KAZN: variants seen among roughly 807,000 people sequenced by gnomAD.
KAZN encodes kazrin.
KAZN carries 40 observed loss-of-function variants against 87.4 expected under a neutral mutation model. The observed-to-expected ratio is 0.46, with a 90% CI of 0.36 to 0.60. The LOEUF (loss-of-function observed/expected upper bound fraction) is 0.60. KAZN is among the 20% of genes least tolerant of loss of function. KAZN has a pLI of 0.00. For synonymous variants in KAZN, 466 were observed against 458.3 expected (o/e 1.02, Z -0.22); for missense variants, 898 against 1,073.9 (o/e 0.84, Z 2.29).
At chr1:14,890,834 T>C (rs1270081794) in intron 1 of KAZN, among the ~76,000 whole-genome samples, 1 of 115,772 alleles carries the variant, frequency 8.6e-6, no homozygotes, top group Non-Finnish European at 1.8e-5. Context: ...CAGCCAGGAA[T>C]CTGGACTTTT....
rs1639254895 is a variant in KAZN at position 15,066,761 on chromosome 1, C to G, written c.1222+1008C>G. On this transcript the variant is annotated intron_variant, in intron 8 of 14. Coordinates refer to ENST00000376030, the MANE Select transcript of KAZN (RefSeq NM_201628.3). The surrounding 1 kb of genome is among the most constrained non-coding windows in gnomAD (Gnocchi z 4.3). Reference sequence around the variant, plus strand: ...CAAAGTAGTTTAGGGTGGCCAGAACCCAGGGACCATTGGATTTCAAAGCTT... The same window carrying G: ...CAAAGTAGTTTAGGGTGGCCAGAACGCAGGGACCATTGGATTTCAAAGCTT... 7.1e-6 allele frequency: 7 copies of G among 985,192 alleles called. No homozygotes were observed. The highest frequency in any genetic ancestry group is 8.4e-6 in the Non-Finnish European group (7 of 829,946). The allele number at this position is 985,192 out of a possible 1,614,324, so 61.0% of individuals were successfully genotyped here.
chr1:15,043,240 C>A (rs1442692515), intron 3 of KAZN, among the ~76,000 whole-genome samples: 3 of 152,236 alleles, frequency 2.0e-5, no homozygotes, highest in Non-Finnish European at 4.4e-5. Flanking sequence ...TGCCTCCTTA[C>A]TGTTGACCCT....
intron 2 of KAZN, among the ~76,000 whole-genome samples, chr1:14,316,390 G>T (rs972328305): frequency 2.0e-5 from 3 of 151,926 alleles, no homozygotes; most frequent in Admixed American, 1.3e-4. Flanking sequence ...TTTAATATCT[G>T]CAGGGTCTCT....
chr1:14,728,289 T>TAAAA (rs55745144), intron 1 of KAZN, among the ~76,000 whole-genome samples: 62 of 29,582 alleles, frequency 2.1e-3, no homozygotes, highest in East Asian at 4.3e-3. Context: ...ACCGTATATA[T>TAAAA]AAAAAAAAAA....
At chr1:13,897,953 T>C (rs576452757) in intron 1 of KAZN, among the ~76,000 whole-genome samples, 1 of 152,294 alleles carries the variant, frequency 6.6e-6, no homozygotes, top group East Asian at 1.9e-4. Flanking sequence ...ACTTTGCCCC[T>C]GCTATAGCCC....
chr1:14,988,305 C>T (rs1359555267), intron 2 of KAZN, among the ~76,000 whole-genome samples: 1 of 152,238 alleles, frequency 6.6e-6, no homozygotes, highest in East Asian at 1.9e-4. Flanking sequence ...TCACAGAACG[C>T]GCCCCTCCCC....
chr1:14,966,929 A>G (rs893149826), intron 2 of KAZN, among the ~76,000 whole-genome samples: 1 of 152,142 alleles, frequency 6.6e-6, no homozygotes, highest in Non-Finnish European at 1.5e-5. Flanking sequence ...TCAGCCTCCC[A>G]AAGTGCTGGG....
intron 2 of KAZN, among the ~76,000 whole-genome samples, chr1:14,567,858 A>G (rs1008098868): frequency 2.0e-5 from 3 of 152,020 alleles, no homozygotes; most frequent in South Asian, 2.1e-4. Context: ...TTACTCCCCC[A>G]TTTTACTTAA....
intron 1 of KAZN, among the ~76,000 whole-genome samples, chr1:14,756,676 C>G (rs1423379390): frequency 2.6e-5 from 4 of 152,182 alleles, no homozygotes; most frequent in Non-Finnish European, 5.9e-5. Context: ...GAAATGAAAC[C>G]AGAGCAGCCT....
Position 15,094,911 on chromosome 1 carries a change from C to G in KAZN, c.1525C>G (p.Arg509Gly), listed in dbSNP as rs775095806. The change falls in exon 10 of 15, where the codon CGT (arginine) becomes GGT (glycine). Residue 509 changes from arginine to glycine, a missense_variant. Physicochemically the swap from Arg to Gly is moderately radical, Grantham distance 125 (BLOSUM62 -2). Around this residue, in one of 3 missense-constraint regions of KAZN, gnomAD observed 521 missense variants for 689.4 expected, o/e 0.76. Coordinates refer to ENST00000376030, the MANE Select transcript of KAZN (RefSeq NM_201628.3). The surrounding 1 kb of genome is among the most constrained non-coding windows in gnomAD (Gnocchi z 4.5). ...RKLRLAIEDY[R>G]DAEAGRSLSK... ...GCTGCGCCTGGCCATCGAGGACTAC[C>G]GTGATGCCGAGGCAGGCCGCAGGTG... is the stretch of plus-strand genomic sequence containing the variant. 6.5e-7 allele frequency: 1 copy of G among 1,550,196 alleles called. No individual in the cohort carries two copies. The highest frequency in any genetic ancestry group is 8.7e-7 in the Non-Finnish European group (1 of 1,146,470).
intron 1 of KAZN, among the ~76,000 whole-genome samples, chr1:14,701,108 A>T (rs577889575): frequency 1.2e-4 from 19 of 152,312 alleles, no homozygotes; most frequent in African/African-American, 4.6e-4. Flanking sequence ...AATGTAAAAC[A>T]TATGACATTA....
At chr1:13,928,858 T>C (rs77526000) in intron 1 of KAZN, among the ~76,000 whole-genome samples, 36 of 149,414 alleles carry the variant, frequency 2.4e-4, no homozygotes, top group South Asian at 4.3e-4. Flanking sequence ...TTTTTTTTTT[T>C]CCCTGATCTC....
At chr1:14,210,554 G>A (rs986925540) in intron 2 of KAZN, among the ~76,000 whole-genome samples, 11 of 152,146 alleles carry the variant, frequency 7.2e-5, no homozygotes, top group Admixed American at 3.9e-4. Context: ...ACATGCATAT[G>A]GGCAGGCAAA....
At chr1:14,349,909 G>C (rs1658402261) in intron 2 of KAZN, among the ~76,000 whole-genome samples, 1 of 151,984 alleles carries the variant, frequency 6.6e-6, no homozygotes, top group Non-Finnish European at 1.5e-5. Context: ...GGCGGAGGAG[G>C]GCGGATCACG....
At chr1:14,568,479 G>A (rs998257392) in intron 2 of KAZN, among the ~76,000 whole-genome samples, 1 of 152,202 alleles carries the variant, frequency 6.6e-6, no homozygotes, top group Non-Finnish European at 1.5e-5. Flanking sequence ...TGAAAGGCAT[G>A]TATTATATGG....
At chr1:14,108,907 AT>A in intron 1 of KAZN, among the ~76,000 whole-genome samples, 1 of 152,274 alleles carries the variant, frequency 6.6e-6, no homozygotes, top group African/African-American at 2.4e-5. Flanking sequence ...TAGTTCCATC[AT>A]GGCTGGGTCT....
intron 1 of KAZN, among the ~76,000 whole-genome samples, chr1:14,668,767 C>T (rs1412860647): frequency 2.0e-5 from 3 of 152,210 alleles, no homozygotes; most frequent in East Asian, 1.9e-4. Context: ...TCCCCTTCTG[C>T]GACATGCATC....
intron 2 of KAZN, among the ~76,000 whole-genome samples, chr1:14,314,170 C>T (rs1256249408): frequency 6.6e-6 from 1 of 152,104 alleles, no homozygotes; most frequent in Non-Finnish European, 1.5e-5. Context: ...GTTTGCATAA[C>T]TCTGTATATG....
At chr1:14,059,161 T>G in intron 1 of KAZN, among the ~76,000 whole-genome samples, 1 of 152,178 alleles carries the variant, frequency 6.6e-6, no homozygotes, top group East Asian at 1.9e-4. Flanking sequence ...TATGCATATA[T>G]GAAAGGGAGT....
Sources: gnomAD v4.1 joint callset for allele counts (sites outside exome capture counted in the v4.1 genomes callset) on GRCh38, gnomAD v4.1.1 for gene constraint, gnomAD v4.1.1 regional missense constraint, Gnocchi (gnomAD v3.1) non-coding constraint, MANE v1.5 for transcripts, NCBI Gene and HGNC (gene_info 2026-07-23, HGNC 2026-07-21) for gene names.